INTS9: variants seen among roughly 807,000 people sequenced by gnomAD.
The protein encoded by INTS9 is protein related to CPSF subunits of 74 kDa.
In INTS9, 55 loss-of-function variants were observed where a neutral mutation model predicts 79.7. That is an observed-to-expected ratio of 0.69 (90% CI 0.56 to 0.86). INTS9 has a LOEUF of 0.86. Ranked by LOEUF, INTS9 falls within the 40% of genes least tolerant of loss-of-function variation. The pLI is 0.00. For missense variants in INTS9, 721 were observed against 831.5 expected, an observed-to-expected ratio of 0.87 and a Z score of 1.64; for synonymous variants, 319 against 325.2, an observed-to-expected ratio of 0.98 and a Z score of 0.20.
At chr8:28,884,419 A>C (rs1810079280) in intron 1 of INTS9, among the ~76,000 whole-genome samples, 1 of 152,038 alleles carries the variant, frequency 6.6e-6, no homozygotes, top group Admixed American at 6.6e-5. Context: ...ACCTGGGCTC[A>C]AGTGATCCTC....
intron 8 of INTS9, among the ~76,000 whole-genome samples, chr8:28,797,374 T>C (rs1283838367): frequency 6.6e-6 from 1 of 152,144 alleles, no homozygotes; most frequent in East Asian, 1.9e-4. Flanking sequence ...GAAGGTCAAA[T>C]CTACTCCCAA....
At chr8:28,843,812 A>G (rs886523847) in intron 4 of INTS9, among the ~76,000 whole-genome samples, 7 of 151,036 alleles carry the variant, frequency 4.6e-5, no homozygotes, top group Non-Finnish European at 1.0e-4. Context: ...GGCGGGCAAT[A>G]TCAGCTGCAG....
At chr8:28,807,731 C>T (rs1804888590) in intron 8 of INTS9, among the ~76,000 whole-genome samples, 1 of 152,152 alleles carries the variant, frequency 6.6e-6, no homozygotes, top group African/African-American at 2.4e-5. Context: ...CACTCCTTAA[C>T]TTGACAAATA....
rs1802832181 is a variant in INTS9, at chr8:28,775,770, T to C, written c.1552A>G (p.Ile518Val). The C allele has an allele frequency of 6.2e-7, 1 of 1,613,950 alleles. No homozygotes were observed. Among genetic ancestry groups the C allele is most frequent in the Admixed American group, 1.7e-5 (1 of 59,994 alleles). Residue 518 changes from isoleucine to valine, a missense_variant, in exon 14 of 17, where the codon ATC becomes GTC. Physicochemically the swap from Ile to Val is conservative, Grantham distance 29. Transcript: ENST00000521022. The stretch of plus-strand genomic sequence containing the variant: ...GGAGAACAGCTCACCTCTGGCATGA[T>C]CTCGATCTTCTCGTACCGACGTTTG... ...PFKRRYEKIE[I>V]MPELADSLVP... is the part of the protein sequence containing the mutation.
chr8:28,872,420 CTA>C (rs1458225328), intron 1 of INTS9, among the ~76,000 whole-genome samples: 6 of 152,080 alleles, frequency 3.9e-5, no homozygotes, highest in African/African-American at 1.4e-4. Context: ...CTCTCATTAA[CTA>C]TATGTCTCTT....
intron 1 of INTS9, among the ~76,000 whole-genome samples, chr8:28,866,970 C>CAAAAAAAAAAAAAAAA (rs1455249386): frequency 4.1e-5 from 6 of 145,266 alleles, no homozygotes; most frequent in African/African-American, 1.5e-4. Flanking sequence ...GCGAAACTGT[C>CAAAAAAAAAAAAAAAA]AAAAAAGAAA....
At chr8:28,860,025 GA>G (rs1808369070) in intron 1 of INTS9, among the ~76,000 whole-genome samples, 1 of 152,092 alleles carries the variant, frequency 6.6e-6, no homozygotes, top group African/African-American at 2.4e-5. Flanking sequence ...GAACTGGTTA[GA>G]AAGGTTAACT....
intron 1 of INTS9, among the ~76,000 whole-genome samples, chr8:28,859,983 C>T (rs1198787447): frequency 6.6e-6 from 1 of 152,148 alleles, no homozygotes; most frequent in Non-Finnish European, 1.5e-5. Flanking sequence ...ATGGTTTTCT[C>T]CCTTTGTAAA....
intron 1 of INTS9, among the ~76,000 whole-genome samples, chr8:28,878,606 G>C (rs2131364942): frequency 6.7e-6 from 1 of 149,904 alleles, no homozygotes; most frequent in Admixed American, 6.6e-5. Context: ...ATAGGTGTCA[G>C]CCACTGTGCC....
chr8:28,799,152 T>C (rs1377946206), intron 8 of INTS9, among the ~76,000 whole-genome samples: 1 of 151,954 alleles, frequency 6.6e-6, no homozygotes, highest in Non-Finnish European at 1.5e-5. Flanking sequence ...AATAATTAGC[T>C]AGGCGTGCTG....
At chr8:28,841,592 A>G (rs895617518) in intron 4 of INTS9, among the ~76,000 whole-genome samples, 1 of 152,200 alleles carries the variant, frequency 6.6e-6, no homozygotes, top group Admixed American at 6.5e-5. Context: ...ATATACAGGT[A>G]ATTCTTGACC....
At position 28,787,873 on chromosome 8, in the gene INTS9, G is replaced by C; in HGVS notation, c.1054C>G (p.Gln352Glu). Residue 352 changes from glutamine to glutamate, a missense_variant, in exon 11 of 17, where the codon CAG becomes GAG. Gln to Glu is a conservative substitution (Grantham distance 29, BLOSUM62 2). This residue lies in a region of INTS9 where 149 missense variants were observed against 223.7 expected (regional missense o/e 0.67). Transcript: ENST00000521022. Reference protein sequence around the residue: ...IFAEWLCHNKQSKVYLPEPPF... With the variant: ...IFAEWLCHNKESKVYLPEPPF... The stretch of plus-strand genomic sequence containing the variant: ...GGTTCTGGAAGATACACCTTACTCT[G>C]TTTGTTGTGACAAAGCCTATTAAAG... 6.2e-7 allele frequency: 1 copy of C among 1,602,274 alleles called. No homozygotes were observed. Among genetic ancestry groups the C allele is most frequent in the Non-Finnish European group, 8.5e-7 (1 of 1,171,036 alleles).
intron 8 of INTS9, among the ~76,000 whole-genome samples, chr8:28,803,379 A>G (rs241164): frequency 0.79 from 120,153 of 152,200 alleles, 47,634 homozygotes; most frequent in Non-Finnish European, 0.81. Flanking sequence ...GAAAGGCTGC[A>G]GCTTCAATAA....
Position 28,774,559 on chromosome 8 carries a change from TATTAAAC to T in INTS9, c.1563+1193_1563+1199del, listed in dbSNP as rs986502039. Among the ~76,000 whole-genome samples the T allele has an allele frequency of 5.3e-5, 8 of 151,896 alleles. No individual in the cohort carries two copies. The South Asian group carries it at 6.2e-4, about 12-fold the overall frequency. ...AAATCATAACAAAATGATAAAAACA[TATTAAAC>T]ATTAAACAACCATAAAGATGGCACC... On this transcript the variant is annotated intron_variant, in intron 14 of 16. Coordinates refer to ENST00000521022, the MANE Select transcript of INTS9 (RefSeq NM_018250.4).
chr8:28,811,128 C>CTT (rs34004264), intron 8 of INTS9, among the ~76,000 whole-genome samples: 28 of 142,184 alleles, frequency 2.0e-4, no homozygotes, highest in Non-Finnish European at 3.7e-4. Flanking sequence ...CTTTCTCTCT[C>CTT]TTTTTTTTTT....
intron 14 of INTS9, among the ~76,000 whole-genome samples, chr8:28,774,524 GAA>G (rs150198059): frequency 0.018 from 2,722 of 152,106 alleles, 70 homozygotes; most frequent in African/African-American, 0.062. Context: ...ACAATCCAGA[GAA>G]AGTGAAAAAA....
At chr8:28,868,958 G>T (rs887114938) in intron 1 of INTS9, among the ~76,000 whole-genome samples, 1 of 152,074 alleles carries the variant, frequency 6.6e-6, no homozygotes, top group Non-Finnish European at 1.5e-5. Flanking sequence ...AATTCGCTGG[G>T]CGTGGTGGCA....
chr8:28,843,135 G>A (rs1322779344), intron 4 of INTS9, among the ~76,000 whole-genome samples: 2 of 152,196 alleles, frequency 1.3e-5, no homozygotes, highest in Non-Finnish European at 2.9e-5. Flanking sequence ...CCTGACAAGC[G>A]GTTCTCACCG....
chr8:28,849,844 AG>A (rs2131253357), intron 3 of INTS9, among the ~76,000 whole-genome samples: 1 of 152,364 alleles, frequency 6.6e-6, no homozygotes, highest in Non-Finnish European at 1.5e-5. Context: ...ATTCAAAAAA[AG>A]GTTTTACTCT....
Sources: allele counts gnomAD v4.1 joint callset (sites outside exome capture counted in the v4.1 genomes callset), GRCh38; gene constraint gnomAD v4.1.1; regional missense constraint gnomAD v4.1.1; transcripts MANE v1.5; gene names NCBI Gene and HGNC (gene_info 2026-07-23, HGNC 2026-07-21).